Variants in SELENOI observed in about 807,000 individuals in gnomAD.
SELENOI encodes the protein selenoprotein I.
Under a neutral mutation model 50.7 loss-of-function variants are expected in SELENOI, and 24 were observed. The ratio of observed to expected loss-of-function variants is 0.47; its 90% confidence interval spans 0.34 to 0.67. The LOEUF is 0.67. Ranked by LOEUF, SELENOI falls within the 30% of genes least tolerant of loss-of-function variation. The probability of loss-of-function intolerance (pLI) is 0.01; values close to 1 mark genes in which losing one functional copy is unlikely to be tolerated. For missense variants in SELENOI, 352 were observed against 461.4 expected, an observed-to-expected ratio of 0.76 and a Z score of 2.17; for synonymous variants, 155 against 170.2, an observed-to-expected ratio of 0.91 and a Z score of 0.70.
At chr2:26,385,247 A>AC (rs1677815141) in intron 8 of SELENOI, 108 bp downstream of exon 8, 2 of 680,912 alleles carry the variant, frequency 2.9e-6, no homozygotes, top group Admixed American at 8.0e-5. Context: ...TAACTTAAAG[A>AC]TTTTTATTTC....
At chr2:26,351,055 GTTTTT>G (rs35623246) in intron 1 of SELENOI, among the ~76,000 whole-genome samples, 1 of 102,896 alleles carries the variant, frequency 9.7e-6, no homozygotes, top group Non-Finnish European at 2.0e-5. Context: ...CTGTTTGTTT[GTTTTT>G]TTTTTTTTTT....
intron 2 of SELENOI, 109 bp from the exon 3 acceptor site, chr2:26,364,723 G>C (rs949654508): frequency 9.6e-6 from 7 of 726,600 alleles, no homozygotes; most frequent in Non-Finnish European, 1.5e-5. Context: ...TTCTCCATAT[G>C]ATCTTTCAAA....
intron 4 of SELENOI, among the ~76,000 whole-genome samples, chr2:26,372,747 A>G (rs956722836): frequency 5.3e-5 from 8 of 152,376 alleles, no homozygotes; most frequent in African/African-American, 1.9e-4. Flanking sequence ...CAATTGTTCC[A>G]TAGATTTGGA....
At chr2:26,362,435 T>C (rs920817631) in intron 1 of SELENOI, among the ~76,000 whole-genome samples, 1 of 152,224 alleles carries the variant, frequency 6.6e-6, no homozygotes, top group Non-Finnish European at 1.5e-5. Context: ...TTACTACTTA[T>C]TTTGTATACA....
In SELENOI at chr2:26,361,329, C is replaced by T. The variant is rs142496600; in HGVS notation, c.58-2973C>T. ...CCAATTCCCCAAAGATACCGAGGGG[C>T]GACTGTATATACTATTTTTTCCTAT... On this transcript the variant is annotated intron_variant, in intron 1 of 9. Coordinates refer to ENST00000260585, the MANE Select transcript of SELENOI (RefSeq NM_033505.4). Among the ~76,000 whole-genome samples the T allele has an allele frequency of 7.6e-4, 115 of 152,228 alleles. 2 individuals carry two copies. The East Asian group carries it at 0.021, about 28-fold the overall frequency.
chr2:26,359,990 A>AC (rs368161459), intron 1 of SELENOI, among the ~76,000 whole-genome samples: 30 of 152,156 alleles, frequency 2.0e-4, no homozygotes, highest in African/African-American at 7.0e-4. Flanking sequence ...GCTCTAGCTT[A>AC]CCCTAGCCTG....
At chr2:26,358,859 TC>T (rs989971563) in intron 1 of SELENOI, among the ~76,000 whole-genome samples, 5 of 152,120 alleles carry the variant, frequency 3.3e-5, no homozygotes, top group Non-Finnish European at 7.3e-5. Context: ...GATTTAGTTG[TC>T]CCGGGAATTA....
intron 4 of SELENOI, among the ~76,000 whole-genome samples, chr2:26,372,130 G>T (rs1677469498): frequency 6.6e-6 from 1 of 151,810 alleles, no homozygotes; most frequent in South Asian, 2.1e-4. Flanking sequence ...TTTAATTTTT[G>T]AGACAGAGTT....
intron 4 of SELENOI, among the ~76,000 whole-genome samples, chr2:26,372,793 G>A (rs887729458): frequency 6.6e-6 from 1 of 152,224 alleles, no homozygotes; most frequent in African/African-American, 2.4e-5. Flanking sequence ...TACTTTCTCA[G>A]ATCTAAAATT....
rs1487764045 is a variant in SELENOI at position 26,383,299 on chromosome 2, G to T, written c.683G>T (p.Gly228Val). The change falls in exon 7 of 10, where the codon GGT becomes GTT. Residue 228 changes from glycine to valine, a missense_variant and splice_region_variant. Gly to Val is a moderately radical substitution (Grantham distance 109, BLOSUM62 -3). Transcript: ENST00000260585. ...YRDLFTAMII[G>V]CALCVTLPMS... ...ATAATTGAATAATTATTCCCTTTAGGTTGTGCATTATGTGTGACTCTTCCA... is the reference window on the plus strand; with the variant it reads ...ATAATTGAATAATTATTCCCTTTAGTTTGTGCATTATGTGTGACTCTTCCA... 1.3e-6 allele frequency: 2 copies of T among 1,533,940 alleles called. No individual in the cohort carries two copies. Among genetic ancestry groups the T allele is most frequent in the African/African-American group, 1.4e-5 (1 of 73,096 alleles).
In SELENOI at chr2:26,364,108, G is replaced by A. The variant is rs151254720; in HGVS notation, c.58-194G>A. Among the ~76,000 whole-genome samples the A allele has an allele frequency of 5.6e-3, 752 of 133,734 alleles. 34 individuals are homozygous for A. In the South Asian group the frequency reaches 0.084, roughly 15 times the overall value. The allele number at this position is 133,734 out of a possible 152,430, so 87.7% of individuals were successfully genotyped here. ...TTTTTTTTTTTTTTTTTGGAGATGGGATCTCACTATGTTGCCCAGGCTGGT... is the reference window on the plus strand; with the variant it reads ...TTTTTTTTTTTTTTTTTGGAGATGGAATCTCACTATGTTGCCCAGGCTGGT... On this transcript the variant is annotated intron_variant, in intron 1 of 9. Coordinates refer to ENST00000260585, the MANE Select transcript of SELENOI (RefSeq NM_033505.4).
In SELENOI at chr2:26,389,815, A is replaced by G. The variant is rs1443534154; in HGVS notation, c.*712A>G. On this transcript the variant is annotated 3_prime_UTR_variant, in exon 10 of 10. Transcript: ENST00000260585. ...GGATGGTTCATTGTTTAAATATGGC[A>G]TTTTCCCCCCTTCAGCTGCAGGTTC... The G allele has an allele frequency of 1.3e-5, 2 of 151,878 alleles. No homozygotes were observed. Among genetic ancestry groups the G allele is most frequent in the African/African-American group, 4.8e-5 (2 of 41,294 alleles). 9.4% of individuals were successfully genotyped at this position (151,878 alleles called of 1,614,324 possible). A position where few individuals can be genotyped will look rare whatever the true frequency, so the allele number is the denominator to read the frequency against.
At chr2:26,361,798 C>T (rs1037910088) in intron 1 of SELENOI, among the ~76,000 whole-genome samples, 7 of 152,072 alleles carry the variant, frequency 4.6e-5, no homozygotes, top group South Asian at 2.1e-4. Flanking sequence ...GGATTACAGG[C>T]GTATGCCACC....
At chr2:26,371,597 G>A (rs1037125100) in intron 4 of SELENOI, among the ~76,000 whole-genome samples, 2 of 152,358 alleles carry the variant, frequency 1.3e-5, no homozygotes, top group South Asian at 2.1e-4. Flanking sequence ...ACCAGACTCC[G>A]TCTGCAATCC....
chr2:26,378,619 G>C (rs34343122), intron 6 of SELENOI, among the ~76,000 whole-genome samples: 13 of 152,150 alleles, frequency 8.5e-5, no homozygotes, highest in African/African-American at 3.1e-4. Flanking sequence ...TCTGGGACAG[G>C]GGGTAGGCAA....
At chr2:26,355,686 T>C (rs931933660) in intron 1 of SELENOI, among the ~76,000 whole-genome samples, 2 of 151,728 alleles carry the variant, frequency 1.3e-5, no homozygotes, top group African/African-American at 4.8e-5. Context: ...TTAGATCTCC[T>C]TGCTCAATGA....
At chr2:26,376,104 A>G (rs1677561972) in intron 6 of SELENOI, among the ~76,000 whole-genome samples, 1 of 151,286 alleles carries the variant, frequency 6.6e-6, no homozygotes, top group African/African-American at 2.4e-5. Flanking sequence ...AAAAAAAAAA[A>G]AAAAAGAATA....
chr2:26,383,839 A>C (rs1299894266), intron 7 of SELENOI, among the ~76,000 whole-genome samples: 10 of 152,028 alleles, frequency 6.6e-5, no homozygotes, highest in African/African-American at 2.4e-4. Flanking sequence ...GCGCCACTGC[A>C]CTCCAGCCTT....
At chr2:26,376,021 C>T (rs941235152) in intron 6 of SELENOI, among the ~76,000 whole-genome samples, 10 of 149,278 alleles carry the variant, frequency 6.7e-5, no homozygotes, top group South Asian at 2.1e-4. Flanking sequence ...AGAGGATTAC[C>T]GGAGCCCAGT....
Sources: gnomAD v4.1 joint callset for allele counts (sites outside exome capture counted in the v4.1 genomes callset) on GRCh38, gnomAD v4.1.1 for gene constraint, MANE v1.5 for transcripts, NCBI Gene and HGNC (gene_info 2026-07-23, HGNC 2026-07-21) for gene names.